The following ST7 variants were observed in gnomAD, a reference collection of about 807,000 sequenced individuals.
ST7 encodes suppressor of tumorigenicity 7 protein.
ST7 carries 28 observed loss-of-function variants against 78.7 expected under a neutral mutation model. The observed-to-expected ratio is 0.36, with a 90% confidence interval of 0.26 to 0.49. The LOEUF (loss-of-function observed/expected upper bound fraction) is 0.49, where lower values mean the gene tolerates loss of function less well. Ranked by LOEUF, ST7 falls within the 20% of genes least tolerant of loss-of-function variation. The probability of loss-of-function intolerance (pLI) is 0.99; values close to 1 mark genes in which losing one functional copy is unlikely to be tolerated. For missense variants in ST7, 418 were observed against 696.0 expected (o/e 0.60, Z 4.49); for synonymous variants, 247 against 249.6 (o/e 0.99, Z 0.10).
intron 12 of ST7, among the ~76,000 whole-genome samples, chr7:117,205,381 TG>T (rs1349332585): frequency 2.0e-5 from 3 of 152,346 alleles, no homozygotes; most frequent in East Asian, 1.9e-4. Flanking sequence ...TTAATGTACC[TG>T]TTTTTTTTCA....
At chr7:117,151,536 C>T (rs1806245910) in intron 9 of ST7, among the ~76,000 whole-genome samples, 1 of 148,608 alleles carries the variant, frequency 6.7e-6, no homozygotes, top group Admixed American at 6.6e-5. Context: ...CATGTGCACA[C>T]ACACACTATT....
chr7:117,204,323 C>T (rs1244080086), intron 12 of ST7, among the ~76,000 whole-genome samples: 1 of 152,208 alleles, frequency 6.6e-6, no homozygotes, highest in East Asian at 1.9e-4. Flanking sequence ...ACATATATTA[C>T]ATAATCTTCA....
intron 1 of ST7, among the ~76,000 whole-genome samples, chr7:117,069,286 G>A (rs1584560542): frequency 6.6e-6 from 1 of 152,052 alleles, no homozygotes; most frequent in South Asian, 2.1e-4. Flanking sequence ...TTGCCTGTTT[G>A]GACAATTTTC....
chr7:117,027,445 T>TAAAAA (rs60601393), intron 1 of ST7, among the ~76,000 whole-genome samples: 37 of 8,578 alleles, frequency 4.3e-3, no homozygotes, highest in Admixed American at 8.9e-3. Context: ...GTCTCAAAAG[T>TAAAAA]GAAAAGTAAA....
chr7:116,966,879 A>G lies in ST7; in HGVS notation c.151+13188A>G, dbSNP rs549173060. 3.3e-5 allele frequency among the ~76,000 whole-genome samples: 5 copies of G among 152,296 alleles called. No homozygotes were observed. In the East Asian group the frequency reaches 5.8e-4, roughly 18 times the overall value. Reference sequence around the variant, plus strand: ...TAGAGGCACTGGAGAACAAGTAACTATTGCTTCTTGCAGCACAATGTTGTA... The same window carrying G: ...TAGAGGCACTGGAGAACAAGTAACTGTTGCTTCTTGCAGCACAATGTTGTA... On this transcript the variant is annotated intron_variant, in intron 1 of 15. Coordinates refer to ENST00000323984, the MANE Select transcript of ST7 (RefSeq NM_001369598.1).
chr7:116,965,339 C>CAAAA (rs975151437), intron 1 of ST7, among the ~76,000 whole-genome samples: 3 of 50,286 alleles, frequency 6.0e-5, no homozygotes, highest in South Asian at 1.4e-3. Flanking sequence ...GACTCCGTCT[C>CAAAA]AAAAAAAAAA....
At chr7:117,158,108 G>A (rs538648321) in intron 9 of ST7, among the ~76,000 whole-genome samples, 2 of 152,270 alleles carry the variant, frequency 1.3e-5, no homozygotes, top group Non-Finnish European at 2.9e-5. Flanking sequence ...TAAAACAGTG[G>A]TGCTGTCAGA....
At chr7:117,157,085 A>G (rs9784960) in intron 9 of ST7, among the ~76,000 whole-genome samples, 18,476 of 152,108 alleles carry the variant, frequency 0.12, 2,038 homozygotes, top group African/African-American at 0.29. Context: ...GTAGCCAGAT[A>G]CCAAAATCTT....
At position 117,219,719 on chromosome 7, in the gene ST7, G is replaced by A. The variant is rs924300467; in HGVS notation, c.1498+543G>A. On this transcript the variant is annotated intron_variant, in intron 14 of 15. Coordinates refer to ENST00000323984, the MANE Select transcript of ST7 (RefSeq NM_001369598.1). The surrounding 1 kb of genome is among the most constrained non-coding windows in gnomAD (Gnocchi z 5.1). Reference sequence around the variant, plus strand: ...CCCGTGAGCACCTCGTGGGTTGCATGTAGTGACTCGGAGTACCATGTGCAG... The same window carrying A: ...CCCGTGAGCACCTCGTGGGTTGCATATAGTGACTCGGAGTACCATGTGCAG... 1.3e-5 allele frequency among the ~76,000 whole-genome samples: 2 copies of A among 152,226 alleles called. No homozygotes were observed. Among genetic ancestry groups the A allele is most frequent in the African/African-American group, 4.8e-5 (2 of 41,452 alleles).
intron 2 of ST7, among the ~76,000 whole-genome samples, chr7:117,115,094 C>T (rs1440857386): frequency 6.6e-6 from 1 of 152,144 alleles, no homozygotes; most frequent in African/African-American, 2.4e-5. Context: ...GGCCCTTCTG[C>T]CTTGTAAGAT....
intron 9 of ST7, among the ~76,000 whole-genome samples, chr7:117,160,866 A>G (rs1049560235): frequency 6.6e-6 from 1 of 152,096 alleles, no homozygotes; most frequent in Non-Finnish European, 1.5e-5. Context: ...ACTCTGAGGC[A>G]TTCTTCAGGA....
At chr7:117,001,841 T>C (rs1397293893) in intron 1 of ST7, among the ~76,000 whole-genome samples, 1 of 152,198 alleles carries the variant, frequency 6.6e-6, no homozygotes. Context: ...GATAATCTGA[T>C]GTCTATTTTG....
intron 1 of ST7, among the ~76,000 whole-genome samples, chr7:116,994,356 T>A (rs1274143597): frequency 6.6e-6 from 1 of 152,252 alleles, no homozygotes; most frequent in African/African-American, 2.4e-5. Flanking sequence ...GGTTTGAGGT[T>A]GATTAATAAA....
At chr7:117,072,872 G>C (rs1799068616) in intron 1 of ST7, 1 of 152,212 alleles carries the variant, frequency 6.6e-6, no homozygotes, top group African/African-American at 2.4e-5. Context: ...CGTAGATGAA[G>C]GGAGTTAAGT....
intron 9 of ST7, among the ~76,000 whole-genome samples, chr7:117,155,896 C>T (rs1288078610): frequency 5.9e-5 from 9 of 152,210 alleles, no homozygotes; most frequent in African/African-American, 9.6e-5. Flanking sequence ...ATACACCACT[C>T]ATTCCCACCT....
chr7:117,177,145 A>T (rs1808401209), intron 10 of ST7, among the ~76,000 whole-genome samples: 1 of 152,240 alleles, frequency 6.6e-6, no homozygotes, highest in Non-Finnish European at 1.5e-5. Flanking sequence ...GATGCTCTAC[A>T]GATTTGGACA....
chr7:117,082,119 G>A lies in ST7; in HGVS notation c.152-17643G>A, dbSNP rs541658582. On this transcript the variant is annotated intron_variant, in intron 1 of 15. Transcript: ENST00000323984. ...GAACCAGGCCCACCCAGATTATCTA[G>A]GATAATCTTTACTTAAAGTCAATGG... Among the ~76,000 whole-genome samples, 10 of 152,212 alleles carry A rather than the reference G, an allele frequency of 6.6e-5. No homozygotes were observed. The South Asian group carries it at 2.1e-3, about 32-fold the overall frequency.
intron 9 of ST7, among the ~76,000 whole-genome samples, chr7:117,169,803 C>T (rs62469374): frequency 6.8e-6 from 1 of 146,096 alleles, no homozygotes; most frequent in South Asian, 2.2e-4. Context: ...CCTTAGCAAT[C>T]CTTTTTTTTT....
chr7:117,031,882 ATTTTTT>A lies in ST7; in HGVS notation c.152-67869_152-67864del, dbSNP rs760153477. ...TCTATCTATCTATCTATATATATATATTTTTTTTTTTTTTTTGGCAATGGAGTCTTG... is the reference window on the plus strand; with the variant it reads ...TCTATCTATCTATCTATATATATATATTTTTTTTTTGGCAATGGAGTCTTG... On this transcript the variant is annotated intron_variant, in intron 1 of 15. Coordinates refer to ENST00000323984, the MANE Select transcript of ST7 (RefSeq NM_001369598.1). Among the ~76,000 whole-genome samples, 26 of 110,332 alleles carry A rather than the reference ATTTTTT, an allele frequency of 2.4e-4. 1 individual carries two copies. Among genetic ancestry groups the A allele is most frequent in the South Asian group, 8.6e-4 (3 of 3,484 alleles). The allele number at this position is 110,332 out of a possible 152,430, so 72.4% of individuals were successfully genotyped here.
Sources: gnomAD v4.1 joint callset for allele counts (sites outside exome capture counted in the v4.1 genomes callset) on GRCh38, gnomAD v4.1.1 for gene constraint, Gnocchi (gnomAD v3.1) non-coding constraint, MANE v1.5 for transcripts, NCBI Gene and HGNC (gene_info 2026-07-23, HGNC 2026-07-21) for gene names.